Variants in KANTR observed in about 807,000 individuals in gnomAD.
The protein encoded by KANTR is KANTR integral membrane protein.
At chrX:53,130,200 C>T (rs1157798248), downstream of KANTR, among the ~76,000 whole-genome samples, 2 of 112,226 alleles carry the variant, frequency 1.8e-5, no homozygotes, top group African/African-American at 6.5e-5. Context: ...ATATATATTT[C>T]GTTGTCAGCA....
intron 1 of KANTR, among the ~76,000 whole-genome samples, chrX:53,096,005 T>C (rs182232650): frequency 1.4e-3 from 158 of 110,769 alleles, no homozygotes; most frequent in African/African-American, 5.0e-3. Context: ...ATTCCGTGTA[T>C]CTGGAATGCT....
At chrX:53,095,882 C>G (rs1232717270) in intron 1 of KANTR, among the ~76,000 whole-genome samples, 1 of 111,079 alleles carries the variant, frequency 9.0e-6, no homozygotes, top group Admixed American at 9.6e-5. Context: ...CCCTCTTAAT[C>G]TCCCTGACCT....
chrX:53,098,718 C>A (rs1325561919), intron 1 of KANTR, among the ~76,000 whole-genome samples: 1 of 111,176 alleles, frequency 9.0e-6, no homozygotes, highest in African/African-American at 3.3e-5. Context: ...ACTCCTCATC[C>A]ACTAACTTTT....
chrX:53,143,816 A>G (rs782246386), downstream of KANTR: 2 of 489,185 alleles, frequency 4.1e-6, no homozygotes, highest in Admixed American at 5.0e-5. Context: ...CTGATGATGG[A>G]GGGGAACACA....
chrX:53,142,821 C>A, downstream of KANTR: 1 of 480,542 alleles, frequency 2.1e-6, no homozygotes, highest in African/African-American at 2.3e-5. Flanking sequence ...GCTTGCAGTC[C>A]ATTTAGAGGC....
At chrX:53,140,239 G>A (rs1933482598) in intron 2 of KANTR, among the ~76,000 whole-genome samples, 1 of 111,961 alleles carries the variant, frequency 8.9e-6, no homozygotes, top group Non-Finnish European at 1.9e-5. Context: ...GCTCACGCCT[G>A]CAATCCCAGC....
chrX:53,117,010 G>A (rs782754024), intron 2 of KANTR, among the ~76,000 whole-genome samples: 1 of 111,578 alleles, frequency 9.0e-6, no homozygotes, highest in East Asian at 2.8e-4. Context: ...GGCTGGGCGC[G>A]GCGGCTCACA....
chrX:53,119,495 A>G (rs1352127315), intron 2 of KANTR, among the ~76,000 whole-genome samples: 1 of 111,688 alleles, frequency 9.0e-6, no homozygotes, highest in Non-Finnish European at 1.9e-5. Context: ...GAATAACATA[A>G]TAATCTGAGA....
intron 2 of KANTR, among the ~76,000 whole-genome samples, chrX:53,111,934 A>G (rs1300140410): frequency 8.9e-6 from 1 of 111,842 alleles, no homozygotes; most frequent in African/African-American, 3.2e-5. Context: ...TTTGTCTTGG[A>G]AAGTCTCTTG....
At chrX:53,105,506 T>C (rs77918930) in intron 2 of KANTR, among the ~76,000 whole-genome samples, 2 of 96,268 alleles carry the variant, frequency 2.1e-5, no homozygotes, top group Non-Finnish European at 4.3e-5. Context: ...TTTTTTTTTT[T>C]GGAGACGGAG....
At chrX:53,129,331 C>T (rs901484613), downstream of KANTR, among the ~76,000 whole-genome samples, 101 of 107,911 alleles carry the variant, frequency 9.4e-4, no homozygotes, top group Admixed American at 1.6e-3. Flanking sequence ...CCTCGTGATC[C>T]GCCTGCCTTG....
intron 2 of KANTR, among the ~76,000 whole-genome samples, chrX:53,111,840 C>A (rs1487182861): frequency 8.9e-6 from 1 of 112,115 alleles, no homozygotes; most frequent in Non-Finnish European, 1.9e-5. Flanking sequence ...AGAACAACAA[C>A]AACAAAATAA....
At chrX:53,119,919 A>G (rs1933191850) in intron 2 of KANTR, among the ~76,000 whole-genome samples, 1 of 110,409 alleles carries the variant, frequency 9.1e-6, no homozygotes, top group Non-Finnish European at 1.9e-5. Flanking sequence ...GGTTCCCCCC[A>G]TGTTAACCAG....
chrX:53,147,915 C>A (rs1428238348), intron 3 of KANTR, among the ~76,000 whole-genome samples: 4 of 111,344 alleles, frequency 3.6e-5, no homozygotes, highest in Non-Finnish European at 5.7e-5. Context: ...TTCTTTGAAA[C>A]CAACGAGAAC....
exon 3 of KANTR, chrX:53,126,861 G>A (rs1556816255): frequency 9.0e-6 from 1 of 111,180 alleles, no homozygotes; most frequent in Admixed American, 9.6e-5. Flanking sequence ...ATCAGATCAT[G>A]TCCTTCCACT....
chrX:53,146,170 A>C (rs781905848), downstream of KANTR, among the ~76,000 whole-genome samples: 2 of 112,491 alleles, frequency 1.8e-5, no homozygotes, highest in Admixed American at 9.4e-5. Context: ...TGAGAGAAGA[A>C]GGCTTCAGAC....
intron 2 of KANTR, among the ~76,000 whole-genome samples, chrX:53,120,990 G>C (rs180954728): frequency 5.3e-4 from 55 of 103,036 alleles, no homozygotes; most frequent in Admixed American, 1.5e-3. Flanking sequence ...CCAAGGTGTT[G>C]TTTTTTTTTG....
intron 2 of KANTR, chrX:53,113,269 C>A: frequency 5.2e-6 from 1 of 192,656 alleles, no homozygotes; most frequent in Admixed American, 5.5e-5. Flanking sequence ...TCCCAGGTTT[C>A]ATGAACTTGC....
chrX:53,094,957 T>C (rs1284850636), intron 1 of KANTR: 2 of 112,655 alleles, frequency 1.8e-5, no homozygotes, highest in Non-Finnish European at 3.7e-5. Context: ...GTTTTTCCTC[T>C]TTTTACCCGT....
Sources: gnomAD v4.1 joint callset for allele counts (sites outside exome capture counted in the v4.1 genomes callset) on GRCh38, gnomAD v4.1.1 for gene constraint, MANE v1.5 for transcripts, NCBI Gene and HGNC (gene_info 2026-07-23, HGNC 2026-07-21) for gene names.